Variants in SORCS2 observed in about 807,000 individuals in gnomAD.
The protein encoded by SORCS2 is VPS10 domain-containing receptor SorCS2.
In SORCS2, 100 loss-of-function variants were observed where a neutral mutation model predicts 141.6. The ratio of observed to expected loss-of-function variants is 0.71; its 90% CI spans 0.60 to 0.83. The LOEUF is 0.83. Ranked by LOEUF, SORCS2 falls within the 40% of genes least tolerant of loss-of-function variation. The probability of loss-of-function intolerance (pLI) is 0.00; values close to 1 mark genes in which losing one functional copy is unlikely to be tolerated. For synonymous variants in SORCS2, 789 were observed against 676.9 expected, an observed-to-expected ratio of 1.17 and a Z score of -2.57; for missense variants, 1,646 against 1,560.2, an observed-to-expected ratio of 1.05 and a Z score of -0.93.
Position 7,737,051 on chromosome 4 carries a change from C to T in SORCS2, c.3312-18C>T, listed in dbSNP as rs1712238626. ...GGAAGCCCCTCCAAGCTGAGCCGCC[C>T]TTGCCTCTGTCCAGCAGGAAACGGC... On this transcript the variant is annotated intron_variant, in intron 25 of 26. Coordinates refer to ENST00000507866, the MANE Select transcript of SORCS2 (RefSeq NM_020777.3). 1.3e-6 allele frequency: 2 copies of T among 1,550,632 alleles called. No individual in the cohort carries two copies. The highest frequency in any genetic ancestry group is 1.7e-6 in the Non-Finnish European group (2 of 1,146,788).
At chr4:7,212,054 G>A (rs1365345046) in intron 1 of SORCS2, among the ~76,000 whole-genome samples, 3 of 152,206 alleles carry the variant, frequency 2.0e-5, no homozygotes, top group Non-Finnish European at 4.4e-5. Flanking sequence ...CCAGGTCCCT[G>A]TTGATACAGA....
At chr4:7,292,740 G>A (rs181931546) in intron 1 of SORCS2, among the ~76,000 whole-genome samples, 124 of 152,268 alleles carry the variant, frequency 8.1e-4, no homozygotes, top group African/African-American at 2.9e-3. Flanking sequence ...GGCCTGGGTC[G>A]GGAATCCCCT....
At chr4:7,696,054 G>A (rs1724688641) in intron 11 of SORCS2, among the ~76,000 whole-genome samples, 1 of 152,106 alleles carries the variant, frequency 6.6e-6, no homozygotes, top group Admixed American at 6.5e-5. Context: ...AATAAGACAG[G>A]CACACAAACA....
At chr4:7,455,061 G>C (rs1474889394) in intron 2 of SORCS2, among the ~76,000 whole-genome samples, 1 of 119,122 alleles carries the variant, frequency 8.4e-6, no homozygotes, top group Non-Finnish European at 1.8e-5. Flanking sequence ...GTCAGATGCT[G>C]TGTTGGGGTC....
At chr4:7,525,880 C>CCCCTCCTCAGTCACCTGTG (rs1733652775) in intron 2 of SORCS2, among the ~76,000 whole-genome samples, 2 of 135,926 alleles carry the variant, frequency 1.5e-5, no homozygotes, top group African/African-American at 2.9e-5. Flanking sequence ...AGTCACCTGT[C>CCCCTCCTCAGTCACCTGTG]CCCTCCTCAG....
intron 1 of SORCS2, among the ~76,000 whole-genome samples, chr4:7,394,303 A>G (rs1724061659): frequency 6.6e-6 from 1 of 151,902 alleles, no homozygotes; most frequent in Non-Finnish European, 1.5e-5. Context: ...TGTGCCCCGC[A>G]CTGGGGAGAT....
chr4:7,516,206 A>G (rs1732970614), intron 2 of SORCS2, among the ~76,000 whole-genome samples: 1 of 152,194 alleles, frequency 6.6e-6, no homozygotes, highest in South Asian at 2.1e-4. Context: ...GGCAGCTCCA[A>G]GGAGAGGAAA....
intron 2 of SORCS2, among the ~76,000 whole-genome samples, chr4:7,418,505 G>T (rs1725837289): frequency 6.6e-6 from 1 of 152,212 alleles, no homozygotes; most frequent in South Asian, 2.1e-4. Context: ...GCGCGAGGTG[G>T]AGTTGGCAGG....
At chr4:7,244,623 C>A (rs1378682153) in intron 1 of SORCS2, among the ~76,000 whole-genome samples, 1 of 152,152 alleles carries the variant, frequency 6.6e-6, no homozygotes, top group African/African-American at 2.4e-5. Context: ...GCACTGAGGG[C>A]CCCCTGGAAT....
intron 1 of SORCS2, among the ~76,000 whole-genome samples, chr4:7,377,683 G>C (rs149698860): frequency 3.3e-5 from 5 of 152,150 alleles, no homozygotes; most frequent in Non-Finnish European, 7.4e-5. Flanking sequence ...AATGCCCTCC[G>C]CCACAGCTGG....
At chr4:7,475,115 A>G (rs1560315039) in intron 2 of SORCS2, among the ~76,000 whole-genome samples, 1 of 152,204 alleles carries the variant, frequency 6.6e-6, no homozygotes, top group East Asian at 1.9e-4. Flanking sequence ...TAAGGCCTTA[A>G]ACATACCTTT....
At chr4:7,670,246 CTG>C (rs1560470331) in intron 8 of SORCS2, among the ~76,000 whole-genome samples, 4 of 152,176 alleles carry the variant, frequency 2.6e-5, no homozygotes, top group Admixed American at 2.6e-4. Context: ...ATTTACCTGT[CTG>C]TGAAAACTAT....
In SORCS2 at chr4:7,740,545, C is replaced by T; in HGVS notation, c.*281C>T. The T allele has an allele frequency of 2.0e-6, 1 of 498,854 alleles. No individual in the cohort carries two copies. Among genetic ancestry groups the T allele is most frequent in the South Asian group, 2.4e-5 (1 of 41,836 alleles). 30.9% of individuals were successfully genotyped at this position (498,854 alleles called of 1,614,324 possible). Reference sequence around the variant, plus strand: ...CCCCAGACCCCACACACGGCCGCCCCACGTGCTGTCGCTCAGCCCGAGGCC... The same window carrying T: ...CCCCAGACCCCACACACGGCCGCCCTACGTGCTGTCGCTCAGCCCGAGGCC... On this transcript the variant is annotated 3_prime_UTR_variant, in exon 27 of 27. Transcript: ENST00000507866.
At chr4:7,642,921 A>T (rs966674019) in intron 4 of SORCS2, among the ~76,000 whole-genome samples, 4 of 152,304 alleles carry the variant, frequency 2.6e-5, no homozygotes, top group East Asian at 1.9e-4. Context: ...AAAACATCAC[A>T]TCTACTCACA....
chr4:7,531,887 G>A (rs1433695813), intron 3 of SORCS2, among the ~76,000 whole-genome samples: 2 of 152,268 alleles, frequency 1.3e-5, no homozygotes, highest in African/African-American at 4.8e-5. Flanking sequence ...GCTGGTTGGG[G>A]TGGGGGCATG....
intron 2 of SORCS2, among the ~76,000 whole-genome samples, chr4:7,521,482 T>C (rs1432105692): frequency 1.3e-5 from 2 of 152,184 alleles, no homozygotes; most frequent in Admixed American, 6.5e-5. Context: ...TTGCCCTGTG[T>C]CACCTTAGTT....
rs183999565 is a variant in SORCS2, at chr4:7,544,171, C to T, written c.648+12542C>T. Among the ~76,000 whole-genome samples the T allele has an allele frequency of 1.4e-3, 209 of 152,168 alleles. 1 individual carries two copies. Among genetic ancestry groups the T allele is most frequent in the African/African-American group, 4.7e-3 (196 of 41,508 alleles). ...GCCCATCCATCCACTCATCCATCCA[C>T]TCACCCATCCTCCATCCCTTCATCC... On this transcript the variant is annotated intron_variant, in intron 3 of 26. Transcript: ENST00000507866.
chr4:7,731,200 A>G (rs1264235682), intron 23 of SORCS2, among the ~76,000 whole-genome samples: 3 of 152,256 alleles, frequency 2.0e-5, no homozygotes, highest in Non-Finnish European at 4.4e-5. Flanking sequence ...ACTACTTAGG[A>G]AAAAAATTGA....
At chr4:7,578,488 C>G (rs376611312) in intron 3 of SORCS2, among the ~76,000 whole-genome samples, 33 of 152,340 alleles carry the variant, frequency 2.2e-4, no homozygotes, top group African/African-American at 7.5e-4. Context: ...GAATTACAAC[C>G]AAATTATCCA....
Sources: gnomAD v4.1 joint callset for allele counts (sites outside exome capture counted in the v4.1 genomes callset) on GRCh38, gnomAD v4.1.1 for gene constraint, MANE v1.5 for transcripts, NCBI Gene and HGNC (gene_info 2026-07-23, HGNC 2026-07-21) for gene names.